Variants in PRKG1 observed in about 807,000 individuals in gnomAD.
PRKG1 encodes the protein cGMP-dependent protein kinase 1.
In PRKG1, 35 loss-of-function variants were observed where a neutral mutation model predicts 88.1. The observed-to-expected ratio is 0.40, with a 90% CI of 0.30 to 0.53. The LOEUF (loss-of-function observed/expected upper bound fraction) is 0.53, where lower values mean the gene tolerates loss of function less well. Ranked by LOEUF, PRKG1 falls within the 20% of genes least tolerant of loss-of-function variation. The pLI, the probability that PRKG1 is intolerant of heterozygous loss-of-function variation, is 0.59. For missense variants in PRKG1, 540 were observed against 839.8 expected, an observed-to-expected ratio of 0.64 and a Z score of 4.41; for synonymous variants, 303 against 292.5, an observed-to-expected ratio of 1.04 and a Z score of -0.37.
chr10:51,084,405 T>C (rs1844196185), intron 1 of PRKG1, among the ~76,000 whole-genome samples: 1 of 152,184 alleles, frequency 6.6e-6, no homozygotes, highest in Non-Finnish European at 1.5e-5. Context: ...TGGGAGTTCA[T>C]ATAAAAAGAA....
At chr10:51,110,147 T>A (rs866784955) in intron 1 of PRKG1, among the ~76,000 whole-genome samples, 9 of 152,160 alleles carry the variant, frequency 5.9e-5, no homozygotes, top group African/African-American at 9.6e-5. Flanking sequence ...TTTCTTTTTT[T>A]AAAAAAACTG....
intron 2 of PRKG1, among the ~76,000 whole-genome samples, chr10:51,324,698 G>A (rs565275307): frequency 9.9e-5 from 15 of 152,118 alleles, no homozygotes; most frequent in African/African-American, 2.9e-4. Context: ...CCGAGATCGC[G>A]CCACTGCACT....
chr10:51,059,649 T>C (rs976998920), intron 1 of PRKG1, among the ~76,000 whole-genome samples: 1 of 152,202 alleles, frequency 6.6e-6, no homozygotes, highest in Non-Finnish European at 1.5e-5. Flanking sequence ...AGTTAATTTT[T>C]GTTCATTTCC....
intron 5 of PRKG1, among the ~76,000 whole-genome samples, chr10:52,052,946 T>C (rs1846025313): frequency 6.6e-6 from 1 of 152,190 alleles, no homozygotes; most frequent in South Asian, 2.1e-4. Context: ...TTTGGTTAAA[T>C]GAATACATGA....
At chr10:51,980,083 T>C (rs1029917087) in intron 5 of PRKG1, among the ~76,000 whole-genome samples, 4 of 152,086 alleles carry the variant, frequency 2.6e-5, no homozygotes, top group African/African-American at 4.8e-5. Context: ...AGTTGTTAAT[T>C]TGAGATCTTT....
chr10:52,032,756 A>G (rs1272350628), intron 5 of PRKG1, among the ~76,000 whole-genome samples: 1 of 152,140 alleles, frequency 6.6e-6, no homozygotes, highest in Admixed American at 6.5e-5. Flanking sequence ...GTAACTTACT[A>G]GGGCTTCCAC....
intron 5 of PRKG1, among the ~76,000 whole-genome samples, chr10:51,926,481 C>T (rs1012334580): frequency 3.9e-5 from 6 of 152,112 alleles, no homozygotes; most frequent in Admixed American, 3.3e-4. Flanking sequence ...CAGTTTATTC[C>T]GAGAAAAGCT....
intron 2 of PRKG1, among the ~76,000 whole-genome samples, chr10:51,344,098 G>C (rs991520628): frequency 6.6e-6 from 1 of 152,176 alleles, no homozygotes; most frequent in Non-Finnish European, 1.5e-5. Context: ...ATAAAGAAAA[G>C]AGGTTTAACT....
At chr10:52,152,476 G>C (rs1308231493) in intron 8 of PRKG1, among the ~76,000 whole-genome samples, 1 of 152,066 alleles carries the variant, frequency 6.6e-6, no homozygotes, top group Non-Finnish European at 1.5e-5. Context: ...CTTTGCATGG[G>C]TTGGTCAGTC....
At chr10:51,779,425 T>C (rs1312578192) in intron 3 of PRKG1, among the ~76,000 whole-genome samples, 2 of 152,144 alleles carry the variant, frequency 1.3e-5, no homozygotes, top group African/African-American at 4.8e-5. Context: ...TAAAGTCTCC[T>C]GGACAACCCA....
intron 3 of PRKG1, among the ~76,000 whole-genome samples, chr10:51,745,496 A>G (rs1564630638): frequency 6.6e-6 from 1 of 152,182 alleles, no homozygotes; most frequent in Non-Finnish European, 1.5e-5. Context: ...TATTATATGC[A>G]TTTTTAGATA....
At chr10:52,063,143 T>C (rs1846276674) in intron 7 of PRKG1, among the ~76,000 whole-genome samples, 1 of 152,162 alleles carries the variant, frequency 6.6e-6, no homozygotes, top group Non-Finnish European at 1.5e-5. Flanking sequence ...TTGCATTCAG[T>C]TCACACTACC....
chr10:51,339,209 G>C (rs1232542407), intron 2 of PRKG1, among the ~76,000 whole-genome samples: 1 of 151,804 alleles, frequency 6.6e-6, no homozygotes, highest in Non-Finnish European at 1.5e-5. Flanking sequence ...TTACTTAAAG[G>C]CTCAAGTTGT....
At chr10:52,206,032 C>T (rs1417380749) in intron 9 of PRKG1, among the ~76,000 whole-genome samples, 1 of 152,136 alleles carries the variant, frequency 6.6e-6, no homozygotes, top group Non-Finnish European at 1.5e-5. Context: ...TGCTTTCTCT[C>T]CCTCTCTTTC....
In PRKG1 at chr10:51,706,148, G is replaced by A. The variant is rs149633737; in HGVS notation, c.593-98437G>A. The stretch of plus-strand genomic sequence containing the variant: ...AACTTCACCTAAAGACTTTTATAAA[G>A]CATCCAGTTAGTTAAAGCATGCATT... On this transcript the variant is annotated intron_variant, in intron 3 of 17. Coordinates refer to ENST00000373980, the MANE Select transcript of PRKG1 (RefSeq NM_006258.4). Among the ~76,000 whole-genome samples the A allele has an allele frequency of 4.9e-3, 740 of 152,268 alleles. 8 individuals carry two copies. Among genetic ancestry groups the A allele is most frequent in the African/African-American group, 0.017 (693 of 41,554 alleles).
intron 9 of PRKG1, among the ~76,000 whole-genome samples, chr10:52,243,239 T>TAAA (rs1373174100): frequency 6.6e-6 from 1 of 152,184 alleles, no homozygotes; most frequent in African/African-American, 2.4e-5. Context: ...AAATGTGTAG[T>TAAA]AAAAGAACAT....
At position 51,403,827 on chromosome 10, in the gene PRKG1, C is replaced by A. The variant is rs180835922; in HGVS notation, c.479-63896C>A. Among the ~76,000 whole-genome samples the A allele has an allele frequency of 1.1e-4, 16 of 152,180 alleles. 1 individual carries two copies. Among genetic ancestry groups the A allele is most frequent in the Admixed American group, 1.0e-3 (16 of 15,268 alleles). Reference sequence around the variant, plus strand: ...TCCCTTGGTTTCTGTAATCTATGTGCTTTATCTCATATATTGACATATAAC... The same window carrying A: ...TCCCTTGGTTTCTGTAATCTATGTGATTTATCTCATATATTGACATATAAC... On this transcript the variant is annotated intron_variant, in intron 2 of 17. Transcript: ENST00000373980.
chr10:51,554,342 T>C (rs1314699403), intron 3 of PRKG1, among the ~76,000 whole-genome samples: 1 of 143,332 alleles, frequency 7.0e-6, no homozygotes, highest in Non-Finnish European at 1.5e-5. Context: ...ATATATTATA[T>C]ACACATATAT....
chr10:51,363,238 C>A (rs897408119), intron 2 of PRKG1, among the ~76,000 whole-genome samples: 2 of 151,636 alleles, frequency 1.3e-5, no homozygotes, highest in East Asian at 3.9e-4. Flanking sequence ...AAAATTCTCG[C>A]ACTCCATCAA....
Sources: gnomAD v4.1 joint callset for allele counts (sites outside exome capture counted in the v4.1 genomes callset) on GRCh38, gnomAD v4.1.1 for gene constraint, MANE v1.5 for transcripts, NCBI Gene and HGNC (gene_info 2026-07-23, HGNC 2026-07-21) for gene names.